Variants in CEP128 observed in about 807,000 individuals in gnomAD.
CEP128 encodes the protein centrosomal protein 128, also known as centrosomal protein 128kDa.
CEP128 carries 132 observed loss-of-function variants against 156.7 expected under a neutral mutation model. The observed-to-expected ratio is 0.84, with a 90% CI of 0.73 to 0.97. The LOEUF (loss-of-function observed/expected upper bound fraction) is 0.97, where lower values mean the gene tolerates loss of function less well. CEP128 is among the 50% of genes least tolerant of loss of function. The pLI, the probability that CEP128 is intolerant of heterozygous loss-of-function variation, is 0.00. For missense variants in CEP128, 1,252 were observed against 1,281.9 expected (o/e 0.98, Z 0.36); for synonymous variants, 469 against 448.9 (o/e 1.04, Z -0.57).
chr14:80,799,759 G>A (rs1883725260), intron 13 of CEP128, among the ~76,000 whole-genome samples: 1 of 152,234 alleles, frequency 6.6e-6, no homozygotes, highest in African/African-American at 2.4e-5. Context: ...CTAGGGTGGG[G>A]AAAAACTCTG....
Position 80,683,166 on chromosome 14 carries a change from T to C in CEP128, c.2806+59909A>G, listed in dbSNP as rs116752797. Among the ~76,000 whole-genome samples, 406 of 152,248 alleles carry C rather than the reference T, an allele frequency of 2.7e-3. 2 individuals are homozygous for C. The highest frequency in any genetic ancestry group is 9.1e-3 in the African/African-American group (379 of 41,552). On this transcript the variant is annotated intron_variant, in intron 19 of 24. Transcript: ENST00000555265. ...TATAAGTGATCTAAATGTCCAACTTTAAAGGCACAGGGTGGCAAGCTGGAC... is the reference window on the plus strand; with the variant it reads ...TATAAGTGATCTAAATGTCCAACTTCAAAGGCACAGGGTGGCAAGCTGGAC...
intron 7 of CEP128, among the ~76,000 whole-genome samples, chr14:80,898,952 C>A (rs796614243): frequency 6.6e-5 from 10 of 152,254 alleles, no homozygotes; most frequent in African/African-American, 2.4e-4. Flanking sequence ...CACTACAACC[C>A]TCCTGTTTGA....
chr14:80,626,261 G>A (rs1893714563), intron 19 of CEP128, among the ~76,000 whole-genome samples: 2 of 151,420 alleles, frequency 1.3e-5, no homozygotes, highest in African/African-American at 2.4e-5. Flanking sequence ...TCAGGAGATC[G>A]AGACCATCCT....
chr14:80,527,034 G>T (rs772738868), intron 22 of CEP128, 52 bp from the exon 23 acceptor site: 1 of 840,174 alleles, frequency 1.2e-6, no homozygotes, highest in South Asian at 1.5e-5. Context: ...AAGAAAATCA[G>T]TGCTTGAAAT....
intron 19 of CEP128, among the ~76,000 whole-genome samples, chr14:80,722,260 A>G (rs1897845851): frequency 6.6e-6 from 1 of 152,198 alleles, no homozygotes; most frequent in Admixed American, 6.5e-5. Flanking sequence ...AGAAACACCC[A>G]GCGTCATGCC....
chr14:80,955,268 T>C (rs1344545922), intron 2 of CEP128: 1 of 336,826 alleles, frequency 3.0e-6, no homozygotes, highest in Non-Finnish European at 5.6e-6. Context: ...CTAGGGAAGG[T>C]GGCTCCTTGG....
At chr14:80,541,448 A>AC (rs1229251710) in intron 21 of CEP128, among the ~76,000 whole-genome samples, 2 of 149,516 alleles carry the variant, frequency 1.3e-5, no homozygotes, top group Non-Finnish European at 3.0e-5. Context: ...TGTGTTAAAA[A>AC]AAAAAAAAAA....
chr14:80,664,681 A>C (rs912779438), intron 19 of CEP128, among the ~76,000 whole-genome samples: 50 of 152,316 alleles, frequency 3.3e-4, no homozygotes, highest in African/African-American at 1.0e-3. Context: ...AGCTAGGTCT[A>C]TCTGACTTCA....
rs374268543 is a variant in CEP128, at chr14:80,825,177, G to A, written c.1209+5966C>T. ...CCTCCAACCGGGTCCCTCCCACAAC[G>A]GTGGGGATTCAAGATGAGATTTCGG... On this transcript the variant is annotated intron_variant, in intron 13 of 24. Coordinates refer to ENST00000555265, the MANE Select transcript of CEP128 (RefSeq NM_152446.5). 4.1e-4 allele frequency among the ~76,000 whole-genome samples: 63 copies of A among 152,238 alleles called. No individual in the cohort carries two copies. In the South Asian group the frequency reaches 0.011, roughly 28 times the overall value.
At chr14:80,569,969 T>TTTCC (rs1490339094) in intron 20 of CEP128, among the ~76,000 whole-genome samples, 2 of 151,676 alleles carry the variant, frequency 1.3e-5, no homozygotes, top group Non-Finnish European at 2.9e-5. Flanking sequence ...TAGGAATGGG[T>TTTCC]TTCCTTAATT....
intron 23 of CEP128, among the ~76,000 whole-genome samples, chr14:80,524,217 TG>T (rs1888876426): frequency 6.6e-6 from 1 of 152,160 alleles, no homozygotes; most frequent in South Asian, 2.1e-4. Flanking sequence ...ACAGTATGTT[TG>T]TTGCATTAAA....
intron 19 of CEP128, among the ~76,000 whole-genome samples, chr14:80,635,335 A>C (rs530306947): frequency 6.6e-6 from 1 of 152,206 alleles, no homozygotes; most frequent in Non-Finnish European, 1.5e-5. Context: ...GTACATTATA[A>C]GATGAATTGA....
Position 80,615,665 on chromosome 14 carries a change from A to G in CEP128, c.2807-35242T>C, listed in dbSNP as rs552475570. On this transcript the variant is annotated intron_variant, in intron 19 of 24. Transcript: ENST00000555265. ...GGAGTTCAAGACCAGCCTGACCAAT[A>G]TAATGAAACCCCATCTCTACTAAAA... Among the ~76,000 whole-genome samples the G allele has an allele frequency of 2.0e-5, 3 of 152,290 alleles. No individual in the cohort carries two copies. In the East Asian group the frequency reaches 5.8e-4, roughly 29 times the overall value.
chr14:80,665,138 C>T (rs952903213), intron 19 of CEP128, among the ~76,000 whole-genome samples: 6 of 152,286 alleles, frequency 3.9e-5, no homozygotes, highest in East Asian at 3.9e-4. Flanking sequence ...CCCATTTTAA[C>T]GTGTCATATA....
At chr14:80,936,740 A>G (rs185895418) in intron 2 of CEP128, among the ~76,000 whole-genome samples, 1 of 152,340 alleles carries the variant, frequency 6.6e-6, no homozygotes, top group East Asian at 1.9e-4. Flanking sequence ...AAGATACATA[A>G]GCAGACAATT....
intron 19 of CEP128, among the ~76,000 whole-genome samples, chr14:80,653,594 CAG>C (rs1895006092): frequency 6.6e-6 from 1 of 150,604 alleles, no homozygotes; most frequent in African/African-American, 2.5e-5. Context: ...TGCTTGTCTT[CAG>C]AGTTTTAAAG....
intron 23 of CEP128, among the ~76,000 whole-genome samples, chr14:80,513,278 A>G (rs889896368): frequency 5.9e-5 from 9 of 152,158 alleles, no homozygotes; most frequent in Admixed American, 5.9e-4. Context: ...TCCTTCAGCA[A>G]TTTAAATATG....
At chr14:80,839,828 A>G (rs1886266166) in intron 10 of CEP128, among the ~76,000 whole-genome samples, 1 of 152,200 alleles carries the variant, frequency 6.6e-6, no homozygotes. Context: ...AATCCACATA[A>G]AATACTGTCC....
intron 19 of CEP128, among the ~76,000 whole-genome samples, chr14:80,609,836 T>TTA (rs1892926081): frequency 6.6e-6 from 1 of 151,876 alleles, no homozygotes; most frequent in Non-Finnish European, 1.5e-5. Context: ...TTTTTTAAAA[T>TTA]TATATATGTA....
Sources: gnomAD v4.1 joint callset for allele counts (sites outside exome capture counted in the v4.1 genomes callset) on GRCh38, gnomAD v4.1.1 for gene constraint, MANE v1.5 for transcripts, NCBI Gene and HGNC (gene_info 2026-07-23, HGNC 2026-07-21) for gene names.